PDZRN4: variants seen among roughly 807,000 people sequenced by gnomAD.
PDZRN4 encodes PDZ domain-containing RING finger protein 4.
In PDZRN4, 70 loss-of-function variants were observed where a neutral mutation model predicts 99.0. The observed-to-expected ratio is 0.71, with a 90% CI of 0.58 to 0.86. The LOEUF (loss-of-function observed/expected upper bound fraction) is 0.86, where lower values mean the gene tolerates loss of function less well. PDZRN4 is among the 40% of genes least tolerant of loss of function. The pLI is 0.00. For missense variants in PDZRN4, 1,474 were observed against 1,331.2 expected, an observed-to-expected ratio of 1.11 and a Z score of -1.67; for synonymous variants, 551 against 501.6, an observed-to-expected ratio of 1.10 and a Z score of -1.32.
At chr12:41,316,284 G>T (rs77562721) in intron 3 of PDZRN4, among the ~76,000 whole-genome samples, 1 of 151,948 alleles carries the variant, frequency 6.6e-6, no homozygotes, top group Non-Finnish European at 1.5e-5. Context: ...AGAGGAAAGC[G>T]TATGTTAAAA....
At chr12:41,223,491 C>T (rs948879715) in intron 3 of PDZRN4, among the ~76,000 whole-genome samples, 4 of 152,134 alleles carry the variant, frequency 2.6e-5, no homozygotes, top group African/African-American at 9.7e-5. Context: ...CTCTCAAATC[C>T]TGTAGACACA....
chr12:41,271,286 G>C (rs1055759359), intron 3 of PDZRN4, among the ~76,000 whole-genome samples: 1 of 152,044 alleles, frequency 6.6e-6, no homozygotes, highest in African/African-American at 2.4e-5. Flanking sequence ...ATGAATAGCT[G>C]ATTCTCATTA....
rs1373896155 is a variant in PDZRN4 at position 41,531,781 on chromosome 12, A to G, written c.1204-20875A>G. On this transcript the variant is annotated intron_variant, in intron 5 of 9. Coordinates refer to ENST00000402685, the MANE Select transcript of PDZRN4 (RefSeq NM_001164595.2). The stretch of plus-strand genomic sequence containing the variant: ...CTTCTTTCTTATAATGCTAATTTCT[A>G]TATGGACTGTTTTTTGTTTATTTAC... Among the ~76,000 whole-genome samples the G allele has an allele frequency of 5.3e-5, 8 of 152,206 alleles. 1 individual carries two copies. Among genetic ancestry groups the G allele is most frequent in the Admixed American group, 3.3e-4 (5 of 15,284 alleles).
intron 5 of PDZRN4, among the ~76,000 whole-genome samples, chr12:41,538,005 G>T (rs1191355459): frequency 1.3e-5 from 2 of 152,108 alleles, no homozygotes; most frequent in Non-Finnish European, 2.9e-5. Context: ...CTGTTTTCTT[G>T]ATTCTTAATT....
chr12:41,533,051 T>C (rs1938687073), intron 5 of PDZRN4, among the ~76,000 whole-genome samples: 2 of 152,226 alleles, frequency 1.3e-5, no homozygotes, highest in Non-Finnish European at 2.9e-5. Flanking sequence ...ATTACCATTA[T>C]GTTAATAGAT....
intron 3 of PDZRN4, among the ~76,000 whole-genome samples, chr12:41,218,998 C>G (rs1168742659): frequency 6.6e-6 from 1 of 151,694 alleles, no homozygotes; most frequent in Non-Finnish European, 1.5e-5. Flanking sequence ...ATTCCTAGAT[C>G]TAGGAATATT....
chr12:41,503,058 G>A (rs1166432353), intron 3 of PDZRN4, among the ~76,000 whole-genome samples: 2 of 151,970 alleles, frequency 1.3e-5, no homozygotes, highest in East Asian at 1.9e-4. Flanking sequence ...CTTGGGAAAG[G>A]CATAATATAT....
At chr12:41,238,426 G>A (rs1951080719) in intron 3 of PDZRN4, among the ~76,000 whole-genome samples, 1 of 152,134 alleles carries the variant, frequency 6.6e-6, no homozygotes, top group Non-Finnish European at 1.5e-5. Flanking sequence ...TATCATTAGA[G>A]TGAACAGAAA....
intron 3 of PDZRN4, among the ~76,000 whole-genome samples, chr12:41,293,516 C>T (rs1024450079): frequency 2.6e-5 from 4 of 151,898 alleles, no homozygotes; most frequent in African/African-American, 9.7e-5. Context: ...GAATGAATGT[C>T]AGAGCAAAGT....
At chr12:41,543,696 A>G (rs565801680) in intron 5 of PDZRN4, among the ~76,000 whole-genome samples, 4 of 152,242 alleles carry the variant, frequency 2.6e-5, no homozygotes, top group South Asian at 2.1e-4. Context: ...ATATTGTGGC[A>G]TGATAAAGCT....
rs867446591 is a variant in PDZRN4, at chr12:41,218,739, T to C, written c.843+24551T>C. On this transcript the variant is annotated intron_variant, in intron 3 of 9. Transcript: ENST00000402685. ...ATATAACACAAAGATTAAAGTATGTTCAAATATTTCCTATCCATTGCTCCT... is the reference window on the plus strand; with the variant it reads ...ATATAACACAAAGATTAAAGTATGTCCAAATATTTCCTATCCATTGCTCCT... Among the ~76,000 whole-genome samples, 8 of 152,154 alleles carry C rather than the reference T, an allele frequency of 5.3e-5. No homozygotes were observed. The South Asian group carries it at 1.2e-3, about 24-fold the overall frequency.
intron 3 of PDZRN4, among the ~76,000 whole-genome samples, chr12:41,370,009 C>A (rs1241876871): frequency 1.3e-5 from 2 of 151,740 alleles, no homozygotes; most frequent in African/African-American, 4.8e-5. Context: ...TTGTGTATTT[C>A]TCTCAAAGGA....
rs147525805 is a variant in PDZRN4, at chr12:41,420,760, A to G, written c.844-85696A>G. ...CAGTTCTTGACCCTTTTTTCCTTCT[A>G]TCTTTTTCTTTGAATGCCCAACTCA... is the stretch of plus-strand genomic sequence containing the variant. On this transcript the variant is annotated intron_variant, in intron 3 of 9. Coordinates refer to ENST00000402685, the MANE Select transcript of PDZRN4 (RefSeq NM_001164595.2). 4.5e-3 allele frequency among the ~76,000 whole-genome samples: 685 copies of G among 151,940 alleles called. 2 individuals carry two copies. Among genetic ancestry groups the G allele is most frequent in the Non-Finnish European group, 7.2e-3 (491 of 67,954 alleles).
chr12:41,324,125 T>C (rs1934627983), intron 3 of PDZRN4, among the ~76,000 whole-genome samples: 1 of 152,104 alleles, frequency 6.6e-6, no homozygotes, highest in Admixed American at 6.6e-5. Context: ...CATTATGATA[T>C]GGAGTGATTG....
rs1939279397 is a variant in PDZRN4 at position 41,562,014 on chromosome 12, C to G, written c.1366-1534C>G. Among the ~76,000 whole-genome samples the G allele has an allele frequency of 2.0e-5, 3 of 152,226 alleles. No individual in the cohort carries two copies. The South Asian group carries it at 6.2e-4, about 32-fold the overall frequency. ...CAGAGGTATTTATGACAAACCGCAA[C>G]ATATCCTTCCCGGTCATTATTTCCC... On this transcript the variant is annotated intron_variant, in intron 7 of 9. Transcript: ENST00000402685.
intron 3 of PDZRN4, among the ~76,000 whole-genome samples, chr12:41,378,044 T>A (rs2121095512): frequency 6.6e-6 from 1 of 152,330 alleles, no homozygotes; most frequent in South Asian, 2.1e-4. Flanking sequence ...AGAGTGGGAA[T>A]GCTTGTCACT....
chr12:41,196,268 G>A (rs899135904), intron 3 of PDZRN4, among the ~76,000 whole-genome samples: 4 of 152,030 alleles, frequency 2.6e-5, no homozygotes, highest in Admixed American at 6.6e-5. Flanking sequence ...TTAACTAGCT[G>A]CGGTATTATT....
At chr12:41,492,017 A>G (rs1937896170) in intron 3 of PDZRN4, among the ~76,000 whole-genome samples, 4 of 152,178 alleles carry the variant, frequency 2.6e-5, no homozygotes, top group Admixed American at 2.6e-4. Context: ...CCCCAGAAAA[A>G]TGGAATTTAT....
intron 3 of PDZRN4, among the ~76,000 whole-genome samples, chr12:41,256,705 T>G (rs1401395893): frequency 6.6e-6 from 1 of 152,120 alleles, no homozygotes; most frequent in African/African-American, 2.4e-5. Flanking sequence ...TCTCCAGACT[T>G]TCATATCTAA....
Sources: gnomAD v4.1 joint callset for allele counts (sites outside exome capture counted in the v4.1 genomes callset) on GRCh38, gnomAD v4.1.1 for gene constraint, MANE v1.5 for transcripts, NCBI Gene and HGNC (gene_info 2026-07-23, HGNC 2026-07-21) for gene names.